The following SMARCD3 variants were observed in gnomAD, a reference collection of about 807,000 sequenced individuals.
SMARCD3 encodes SWI/SNF-related matrix-associated actin-dependent regulator of chromatin subfamily D member 3.
Under a neutral mutation model 58.0 loss-of-function variants are expected in SMARCD3, and 14 were observed. The ratio of observed to expected loss-of-function variants is 0.24; its 90% CI spans 0.16 to 0.38. The LOEUF is 0.38. SMARCD3 is among the 10% of genes least tolerant of loss of function. The pLI, the probability that SMARCD3 is intolerant of heterozygous loss-of-function variation, is 1.00. For synonymous variants in SMARCD3, 253 were observed against 253.8 expected (o/e 1.00, Z 0.03); for missense variants, 408 against 636.9 (o/e 0.64, Z 3.87).
At chr7:151,260,867 G>GT (rs1803896016) in intron 2 of SMARCD3, among the ~76,000 whole-genome samples, 1 of 152,192 alleles carries the variant, frequency 6.6e-6, no homozygotes, top group South Asian at 2.1e-4. Flanking sequence ...CCAGGCAAAC[G>GT]TAAGTGGGAT....
chr7:151,239,882 G>A lies in SMARCD3; in HGVS notation c.1174-136C>T. On this transcript the variant is annotated intron_variant, in intron 10 of 12. Transcript: ENST00000262188. This position sits in a 1 kb window ranked among gnomAD's most constrained non-coding sequence, Gnocchi z 7.0. Reference sequence around the variant, plus strand: ...ACCCCTCAGAGCCCCTGATTTCTCTGAAGTCCCAGGGGAGGAGGGGATGGG... The same window carrying A: ...ACCCCTCAGAGCCCCTGATTTCTCTAAAGTCCCAGGGGAGGAGGGGATGGG... 2 of 1,034,952 alleles carry A rather than the reference G, an allele frequency of 1.9e-6. No homozygotes were observed. Among genetic ancestry groups the A allele is most frequent in the Admixed American group, 4.6e-5 (2 of 43,578 alleles). The allele number at this position is 1,034,952 out of a possible 1,614,324, so 64.1% of individuals were successfully genotyped here. A position where few individuals can be genotyped will look rare whatever the true frequency, so the allele number is the denominator to read the frequency against.
chr7:151,239,081 C>G lies in SMARCD3; in HGVS notation c.*22G>C. The G allele has an allele frequency of 6.2e-7, 1 of 1,613,276 alleles. No individual in the cohort carries two copies. The highest frequency in any genetic ancestry group is 1.1e-5 in the South Asian group (1 of 91,064). On this transcript the variant is annotated 3_prime_UTR_variant, in exon 13 of 13. Transcript: ENST00000262188. This position sits in a 1 kb window ranked among gnomAD's most constrained non-coding sequence, Gnocchi z 7.0. ...CCCGGGACACGGCTGAAAGTTCCGT[C>G]GTGCTGCTTATTTTTGGGCTCCTAG...
At chr7:151,260,989 G>T (rs1255471106) in intron 2 of SMARCD3, among the ~76,000 whole-genome samples, 2 of 152,156 alleles carry the variant, frequency 1.3e-5, no homozygotes, top group Admixed American at 1.3e-4. Context: ...CTTTACTCTG[G>T]GGCTCAAATG....
intron 2 of SMARCD3, among the ~76,000 whole-genome samples, chr7:151,270,606 G>A (rs898977043): frequency 7.2e-5 from 11 of 152,312 alleles, no homozygotes; most frequent in Admixed American, 6.5e-4. Context: ...TGGAACTGAC[G>A]TGGAGGCTTC....
At position 151,243,187 on chromosome 7, in the gene SMARCD3, C is replaced by T. The variant is rs935704963; in HGVS notation, c.334-344G>A. On this transcript the variant is annotated intron_variant, in intron 3 of 12. Coordinates refer to ENST00000262188, the MANE Select transcript of SMARCD3 (RefSeq NM_001003801.2). This position sits in a 1 kb window ranked among gnomAD's most constrained non-coding sequence, Gnocchi z 4.4. ...TATGCCTGCTGGGCTTCCCCTGGGC[C>T]CCTGCAAAGTGCCTAGTAGGGGCTC... Among the ~76,000 whole-genome samples the T allele has an allele frequency of 6.6e-6, 1 of 152,138 alleles. No homozygotes were observed. The highest frequency in any genetic ancestry group is 6.5e-5 in the Admixed American group (1 of 15,276).
At position 151,243,550 on chromosome 7, in the gene SMARCD3, A is replaced by G. The variant is rs979938590; in HGVS notation, c.333+109T>C. The G allele has an allele frequency of 2.6e-5, 19 of 736,196 alleles. No homozygotes were observed. Among genetic ancestry groups the G allele is most frequent in the Non-Finnish European group, 4.4e-5 (18 of 411,472 alleles). 45.6% of individuals were successfully genotyped at this position (736,196 alleles called of 1,614,324 possible). A position where few individuals can be genotyped will look rare whatever the true frequency, so the allele number is the denominator to read the frequency against. The stretch of plus-strand genomic sequence containing the variant: ...CACTTATTAATGAGCTTTTTTAAAC[A>G]AAAAGTGAAAGTGACTGTGATGCTG... On this transcript the variant is annotated intron_variant, in intron 3 of 12. Transcript: ENST00000262188. This position sits in a 1 kb window ranked among gnomAD's most constrained non-coding sequence, Gnocchi z 4.4.
In SMARCD3 at chr7:151,261,221, A is replaced by C. The variant is rs142135650; in HGVS notation, c.39+13893T>G. ...AGGGTTTCTCCAGTTGGCACTGCTG[A>C]CATCTCAGGCTGGACGATTCTTTAC... On this transcript the variant is annotated intron_variant, in intron 2 of 13. Transcript: ENST00000356800. 1.1e-3 allele frequency among the ~76,000 whole-genome samples: 165 copies of C among 152,350 alleles called. 4 individuals carry two copies. In the East Asian group the frequency reaches 0.02, roughly 19 times the overall value.
chr7:151,258,521 C>A (rs963403441), intron 2 of SMARCD3, among the ~76,000 whole-genome samples: 1 of 147,658 alleles, frequency 6.8e-6, no homozygotes, highest in Admixed American at 6.9e-5. Flanking sequence ...GCCAAGATTT[C>A]GCCACTGCAC....
chr7:151,240,529 C>T lies in SMARCD3; in HGVS notation c.940-7G>A. The T allele has an allele frequency of 1.2e-6, 2 of 1,601,570 alleles. No homozygotes were observed. Among genetic ancestry groups the T allele is most frequent in the African/African-American group, 2.7e-5 (2 of 74,834 alleles). On this transcript the variant is annotated splice_polypyrimidine_tract_variant and splice_region_variant and intron_variant, in intron 8 of 12. Coordinates refer to ENST00000262188, the MANE Select transcript of SMARCD3 (RefSeq NM_001003801.2). ...GCCGGGGACAATCAAAAATCTGAAG[C>T]AGGACAATTGGGGAGAGAGAGATCA... is the stretch of plus-strand genomic sequence containing the variant.
At chr7:151,267,400 A>T (rs989100473) in intron 2 of SMARCD3, among the ~76,000 whole-genome samples, 21 of 152,150 alleles carry the variant, frequency 1.4e-4, no homozygotes, top group African/African-American at 4.1e-4. Context: ...CTGTTTTCTG[A>T]TCATAAGGTC....
At chr7:151,257,661 C>G (rs1457390692) in intron 2 of SMARCD3, among the ~76,000 whole-genome samples, 1 of 152,136 alleles carries the variant, frequency 6.6e-6, no homozygotes, top group Non-Finnish European at 1.5e-5. Context: ...ATTATTTCCT[C>G]CCGTGGAGGG....
At chr7:151,259,429 T>TGTGTTTC (rs1422747240) in intron 2 of SMARCD3, among the ~76,000 whole-genome samples, 180 of 96,512 alleles carry the variant, frequency 1.9e-3, no homozygotes, top group Non-Finnish European at 3.7e-3. Flanking sequence ...GTGTGTGTGT[T>TGTGTTTC]TCTAAAGGAG....
chr7:151,268,132 G>A (rs934733948), intron 2 of SMARCD3, among the ~76,000 whole-genome samples: 1 of 152,208 alleles, frequency 6.6e-6, no homozygotes, highest in Non-Finnish European at 1.5e-5. Flanking sequence ...AAAGCTCAAG[G>A]TGAGTGTTAC....
chr7:151,241,946 G>A lies in SMARCD3; in HGVS notation c.708C>T (p.Asp236=), dbSNP rs916539173. ...CCCCAGGCCGTTTCACCTGGAAGCCGTCCGTCTCCTGGGTCGTGGGTGTCC... is the reference window on the plus strand; with the variant it reads ...CCCCAGGCCGTTTCACCTGGAAGCCATCCGTCTCCTGGGTCGTGGGTGTCC... The part of the protein sequence containing the change: ...WHRTPTTQET[D]GFQVKRPGDL... Residue 236 remains aspartate, a synonymous_variant, in exon 7 of 13, where the codon GAC becomes GAT. Transcript: ENST00000262188. The surrounding 1 kb of genome is among the most constrained non-coding windows in gnomAD (Gnocchi z 5.3). 7 of 1,612,528 alleles carry A rather than the reference G, an allele frequency of 4.3e-6. No individual in the cohort carries two copies. The highest frequency in any genetic ancestry group is 1.3e-5 in the African/African-American group (1 of 74,912).
chr7:151,260,946 C>T (rs553374532), intron 2 of SMARCD3, among the ~76,000 whole-genome samples: 5 of 152,284 alleles, frequency 3.3e-5, no homozygotes, highest in East Asian at 1.9e-4. Flanking sequence ...AGCATCTTGC[C>T]GTCCCCACAC....
At chr7:151,276,105 G>A (rs1795331049) in intron 1 of SMARCD3, among the ~76,000 whole-genome samples, 1 of 150,516 alleles carries the variant, frequency 6.6e-6, no homozygotes, top group Non-Finnish European at 1.5e-5. Context: ...AGGATGAGGA[G>A]AGGAAGATGC....
intron 2 of SMARCD3, among the ~76,000 whole-genome samples, chr7:151,261,081 C>T (rs957378608): frequency 2.0e-5 from 3 of 152,174 alleles, no homozygotes; most frequent in Admixed American, 6.5e-5. Flanking sequence ...GGCGCGCTCT[C>T]GGCAAATCCT....
At position 151,241,943 on chromosome 7, in the gene SMARCD3, G is replaced by C. The variant is rs780247721; in HGVS notation, c.711C>G (p.Gly237=). The C allele has an allele frequency of 6.2e-7, 1 of 1,612,874 alleles. No individual in the cohort carries two copies. Among genetic ancestry groups the C allele is most frequent in the Non-Finnish European group, 8.5e-7 (1 of 1,179,532 alleles). The change falls in exon 7 of 13, where the codon GGC becomes GGG. Residue 237 remains glycine, a synonymous_variant. Coordinates refer to ENST00000262188, the MANE Select transcript of SMARCD3 (RefSeq NM_001003801.2). This position sits in a 1 kb window ranked among gnomAD's most constrained non-coding sequence, Gnocchi z 5.3. ...GGTCCCCAGGCCGTTTCACCTGGAA[G>C]CCGTCCGTCTCCTGGGTCGTGGGTG... The part of the protein sequence containing the change: ...HRTPTTQETD[G]FQVKRPGDLS...
Position 151,242,907 on chromosome 7 carries a change from T to A in SMARCD3, c.334-64A>T. On this transcript the variant is annotated intron_variant, in intron 3 of 12. Transcript: ENST00000262188. This position sits in a 1 kb window ranked among gnomAD's most constrained non-coding sequence, Gnocchi z 4.7. ...GTCCAGGGTTGTACCATGGAATGTA[T>A]GCATGTTGTGCAATCCTAGGGTACA... is the stretch of plus-strand genomic sequence containing the variant. 2 of 1,582,278 alleles carry A rather than the reference T, an allele frequency of 1.3e-6. No homozygotes were observed. The highest frequency in any genetic ancestry group is 1.7e-6 in the Non-Finnish European group (2 of 1,162,928).
Sources: allele counts gnomAD v4.1 joint callset (sites outside exome capture counted in the v4.1 genomes callset), GRCh38; gene constraint gnomAD v4.1.1; non-coding constraint Gnocchi (gnomAD v3.1); transcripts MANE v1.5; gene names NCBI Gene and HGNC (gene_info 2026-07-23, HGNC 2026-07-21).